The following DKK3 variants were observed in gnomAD, a reference collection of about 807,000 sequenced individuals.
The protein encoded by DKK3 is dickkopf-related protein 3.
DKK3 carries 22 observed loss-of-function variants against 33.2 expected under a neutral mutation model. That is an observed-to-expected ratio of 0.66 (90% CI 0.47 to 0.95). The LOEUF is 0.95. Ranked by LOEUF, DKK3 falls within the 40% of genes least tolerant of loss-of-function variation. The pLI is 0.00. For missense variants in DKK3, 398 were observed against 458.4 expected, an observed-to-expected ratio of 0.87 and a Z score of 1.20; for synonymous variants, 194 against 188.8, an observed-to-expected ratio of 1.03 and a Z score of -0.23.
intron 3 of DKK3, among the ~76,000 whole-genome samples, chr11:11,997,495 G>C (rs1246733895): frequency 2.0e-5 from 3 of 152,156 alleles, no homozygotes; most frequent in Non-Finnish European, 4.4e-5. Flanking sequence ...AGTTAACCTT[G>C]TCTTCGTTTC....
intron 1 of DKK3, among the ~76,000 whole-genome samples, 198 bp from the exon 2 acceptor site, chr11:12,002,635 A>G (rs760079528): frequency 1.3e-5 from 2 of 152,312 alleles, no homozygotes; most frequent in South Asian, 2.1e-4. Context: ...AAATTTCACA[A>G]TCTCTCTGGG....
rs765703068 is a variant in DKK3 at position 12,008,320 on chromosome 11, GC to G, written c.213+49del. 1.9e-6 allele frequency: 3 copies of G among 1,558,160 alleles called. No homozygotes were observed. Among genetic ancestry groups the G allele is most frequent in the Middle Eastern group, 1.8e-4 (1 of 5,452 alleles). ...CTTCCATGCCTTCCCAGACTTCGCT[GC>G]CCCCAGTCTGGCGCTTCTCAGAGCC... On this transcript the variant is annotated intron_variant, in intron 1 of 6. Transcript: ENST00000683431. The surrounding 1 kb of genome is among the most constrained non-coding windows in gnomAD (Gnocchi z 4.6).
At chr11:12,004,919 C>G (rs1396511102) in intron 1 of DKK3, among the ~76,000 whole-genome samples, 1 of 152,018 alleles carries the variant, frequency 6.6e-6, no homozygotes, top group African/African-American at 2.4e-5. Context: ...AGCTTGCCAA[C>G]AAAGGGGAGA....
intron 3 of DKK3, among the ~76,000 whole-genome samples, chr11:11,995,075 G>T (rs1415478190): frequency 2.0e-5 from 3 of 152,030 alleles, no homozygotes; most frequent in Non-Finnish European, 4.4e-5. Context: ...TGTGGCCTCA[G>T]AAGTCTGTTG....
upstream of DKK3, chr11:12,008,629 T>A: frequency 7.5e-7 from 1 of 1,332,962 alleles, no homozygotes; most frequent in African/African-American, 1.5e-5. This position sits in a 1 kb window ranked among gnomAD's most constrained non-coding sequence, Gnocchi z 4.6. Context: ...CGGAACGCGA[T>A]CAGAGGCGCG....
rs112728255 is a variant in DKK3, at chr11:11,968,488, C to T, written c.436-1G>A. 1 of 1,612,758 alleles carries T rather than the reference C, an allele frequency of 6.2e-7. No individual in the cohort carries two copies. The highest frequency in any genetic ancestry group is 2.2e-5 in the East Asian group (1 of 44,752). On this transcript the variant is annotated splice_acceptor_variant, in intron 3 of 6. Transcript: ENST00000683431. LOFTEE classifies it high-confidence loss of function. ...CACAGTCCTCGTCGATGATGCACTC[C>T]TGGGGAAGGGCACAGGGAGCAGATG... is the stretch of plus-strand genomic sequence containing the variant.
chr11:12,008,000 C>A (rs1006839598), intron 1 of DKK3, among the ~76,000 whole-genome samples: 27 of 152,232 alleles, frequency 1.8e-4, no homozygotes, highest in African/African-American at 5.8e-4. Context: ...TGGAGCTTGT[C>A]CCGGGTTTCT....
chr11:11,985,357 T>A (rs1465986648), intron 3 of DKK3, among the ~76,000 whole-genome samples: 2 of 152,226 alleles, frequency 1.3e-5, no homozygotes, highest in Non-Finnish European at 1.5e-5. Context: ...GCTCTCTTCC[T>A]CAGTTCTTGC....
Position 12,002,364 on chromosome 11 carries a change from T to C in DKK3, c.287A>G (p.Asn96Ser), listed in dbSNP as rs551373443. The change falls in exon 2 of 7, where the codon AAT (asparagine) becomes AGT (serine). Residue 96 changes from asparagine to serine, a missense_variant. By Grantham distance (46) the Asn-to-Ser change is conservative (BLOSUM62 1). Coordinates refer to ENST00000683431, the MANE Select transcript of DKK3 (RefSeq NM_001018057.2). ...AACCTTCGTGTCTGTGTTGGTCTCA[T>C]TGTGATAGCTGGGAGGTAAGTTTGC... ...NLANLPPSYH[N>S]ETNTDTKVGN... The C allele has an allele frequency of 2.0e-5, 32 of 1,614,190 alleles. No homozygotes were observed. The East Asian group carries it at 6.7e-4, about 34-fold the overall frequency.
intron 3 of DKK3, among the ~76,000 whole-genome samples, chr11:11,997,500 C>T (rs1445145572): frequency 2.0e-5 from 3 of 152,168 alleles, no homozygotes; most frequent in Non-Finnish European, 4.4e-5. Flanking sequence ...ACCTTGTCTT[C>T]GTTTCAGAGG....
rs529605021 is a variant in DKK3, at chr11:11,963,952, A to T, written c.*512T>A. Reference sequence around the variant, plus strand: ...ACTGCTGGATGAATAAACACATGTAATGCAGGGTGAACAGAACATTTCATC... The same window carrying T: ...ACTGCTGGATGAATAAACACATGTATTGCAGGGTGAACAGAACATTTCATC... On this transcript the variant is annotated 3_prime_UTR_variant, in exon 7 of 7. Coordinates refer to ENST00000683431, the MANE Select transcript of DKK3 (RefSeq NM_001018057.2). 1.1e-4 allele frequency: 18 copies of T among 160,790 alleles called. No individual in the cohort carries two copies. Among genetic ancestry groups the T allele is most frequent in the Non-Finnish European group, 2.2e-4 (16 of 73,022 alleles). The allele number at this position is 160,790 out of a possible 1,614,324, so 10.0% of individuals were successfully genotyped here.
At position 11,989,300 on chromosome 11, in the gene DKK3, T is replaced by C. The variant is rs115408623; in HGVS notation, c.435+9396A>G. On this transcript the variant is annotated intron_variant, in intron 3 of 6. Coordinates refer to ENST00000683431, the MANE Select transcript of DKK3 (RefSeq NM_001018057.2). ...AGCATTATTCACAATAGCCAAAAGGTGGAAGCAACCCAAGGGTGCATTGAC... is the reference window on the plus strand; with the variant it reads ...AGCATTATTCACAATAGCCAAAAGGCGGAAGCAACCCAAGGGTGCATTGAC... 7.4e-3 allele frequency among the ~76,000 whole-genome samples: 1,120 copies of C among 152,248 alleles called. 18 individuals carry two copies. The highest frequency in any genetic ancestry group is 0.026 in the African/African-American group (1,083 of 41,542).
At position 11,965,907 on chromosome 11, in the gene DKK3, G is replaced by A. The variant is rs553075697; in HGVS notation, c.732C>T (p.Pro244=). ...TGATGAGGTCCAGAAGCCGGCTGGC[G>A]GGGTCATGGCAAAGCTCGCCCTCCA... The part of the protein sequence containing the change: ...LPVEGELCHD[P]ASRLLDLITW... The change falls in exon 6 of 7, where the codon CCC becomes CCT. Residue 244 remains proline (P), a synonymous_variant. Coordinates refer to ENST00000683431, the MANE Select transcript of DKK3 (RefSeq NM_001018057.2). The A allele has an allele frequency of 2.1e-4, 337 of 1,614,054 alleles. 1 individual carries two copies. The highest frequency in any genetic ancestry group is 8.7e-4 in the South Asian group (79 of 91,068).
intron 5 of DKK3, among the ~76,000 whole-genome samples, chr11:11,966,298 A>G (rs1847592770): frequency 6.6e-6 from 1 of 152,174 alleles, no homozygotes; most frequent in Non-Finnish European, 1.5e-5. Flanking sequence ...CTCAGTGGAA[A>G]ATGTCAGGGC....
At chr11:11,993,090 C>A (rs997145863) in intron 3 of DKK3, among the ~76,000 whole-genome samples, 2 of 152,292 alleles carry the variant, frequency 1.3e-5, no homozygotes, top group South Asian at 2.1e-4. Flanking sequence ...TATGCATACC[C>A]TTTGACTTAG....
At chr11:11,968,765 C>T (rs1847659567) in intron 3 of DKK3, 4 of 318,914 alleles carry the variant, frequency 1.3e-5, no homozygotes, top group Non-Finnish European at 2.3e-5. Flanking sequence ...CCCACCCACA[C>T]CCAGGGCGGG....
At position 11,967,110 on chromosome 11, in the gene DKK3, T is replaced by C. The variant is rs1332702950; in HGVS notation, c.529-12A>G. On this transcript the variant is annotated splice_polypyrimidine_tract_variant and intron_variant, in intron 4 of 6. Transcript: ENST00000683431. Reference sequence around the variant, plus strand: ...TCCCGGGTGCAGAGCTGCAGACAGGTGGAAAGAGCCTAGAGCCAGCGGCTT... The same window carrying C: ...TCCCGGGTGCAGAGCTGCAGACAGGCGGAAAGAGCCTAGAGCCAGCGGCTT... 13 of 1,611,846 alleles carry C rather than the reference T, an allele frequency of 8.1e-6. No individual in the cohort carries two copies. The highest frequency in any genetic ancestry group is 1.8e-4 in the Middle Eastern group (1 of 5,546).
At chr11:11,983,256 T>C (rs1422519352) in intron 3 of DKK3, among the ~76,000 whole-genome samples, 1 of 152,164 alleles carries the variant, frequency 6.6e-6, no homozygotes, top group Non-Finnish European at 1.5e-5. Context: ...GTAATAAATG[T>C]GCCAAGTCCC....
intron 2 of DKK3, 176 bp downstream of exon 2, chr11:12,002,124 T>C (rs1848441184): frequency 4.4e-6 from 3 of 679,914 alleles, no homozygotes; most frequent in Admixed American, 3.4e-5. Flanking sequence ...TCCTGATACA[T>C]TGTCTCTCCA....
Sources: gnomAD v4.1 joint callset for allele counts (sites outside exome capture counted in the v4.1 genomes callset) on GRCh38, gnomAD v4.1.1 for gene constraint, Gnocchi (gnomAD v3.1) non-coding constraint, MANE v1.5 for transcripts, NCBI Gene and HGNC (gene_info 2026-07-23, HGNC 2026-07-21) for gene names.